The following HPSE2 variants were observed in gnomAD, a reference collection of about 807,000 sequenced individuals.
The protein encoded by HPSE2 is inactive heparanase-2.
HPSE2 carries 38 observed loss-of-function variants against 60.5 expected under a neutral mutation model. The observed-to-expected ratio is 0.63, with a 90% CI of 0.48 to 0.82. The LOEUF (loss-of-function observed/expected upper bound fraction) is 0.82. HPSE2 is among the 40% of genes least tolerant of loss of function. The pLI, the probability that HPSE2 is intolerant of heterozygous loss-of-function variation, is 0.00. For missense variants in HPSE2, 713 were observed against 740.4 expected, an observed-to-expected ratio of 0.96 and a Z score of 0.43; for synonymous variants, 295 against 293.2, an observed-to-expected ratio of 1.01 and a Z score of -0.06.
chr10:98,664,613 A>C (rs1369981658), intron 6 of HPSE2, among the ~76,000 whole-genome samples: 1 of 152,202 alleles, frequency 6.6e-6, no homozygotes, highest in Non-Finnish European at 1.5e-5. Flanking sequence ...CCGGTGGCTA[A>C]GGGCTTATCT....
At chr10:98,499,463 G>A (rs943057277) in intron 9 of HPSE2, among the ~76,000 whole-genome samples, 14 of 152,074 alleles carry the variant, frequency 9.2e-5, no homozygotes, top group South Asian at 2.1e-4. Context: ...AAGAGAATTC[G>A]CCACTACCAA....
intron 9 of HPSE2, among the ~76,000 whole-genome samples, chr10:98,591,024 C>T (rs535046796): frequency 2.0e-4 from 30 of 152,178 alleles, no homozygotes; most frequent in African/African-American, 6.0e-4. Flanking sequence ...ATGTAAATTA[C>T]GTCAAGAGAC....
At chr10:99,272,143 C>T in the HPSE2 span, among the ~76,000 whole-genome samples, 20 of 151,942 alleles carry the variant, frequency 1.3e-4, no homozygotes, top group South Asian at 1.0e-3. Flanking sequence ...TGGTGGCAGA[C>T]GCCTGTAATC....
chr10:98,913,582 G>A (rs558715175), intron 3 of HPSE2, among the ~76,000 whole-genome samples: 3 of 152,180 alleles, frequency 2.0e-5, no homozygotes, highest in South Asian at 2.1e-4. Flanking sequence ...GGCTCCTTCC[G>A]AAAGCCCAGA....
chr10:99,083,705 T>C (rs1843220471), intron 3 of HPSE2, among the ~76,000 whole-genome samples: 1 of 152,216 alleles, frequency 6.6e-6, no homozygotes, highest in South Asian at 2.1e-4. Flanking sequence ...CCAAGTTCTC[T>C]ATCCCTTCTC....
At chr10:98,612,014 G>A (rs767192664) in intron 9 of HPSE2, among the ~76,000 whole-genome samples, 5 of 152,170 alleles carry the variant, frequency 3.3e-5, no homozygotes, top group Non-Finnish European at 7.3e-5. Flanking sequence ...GGAGGACAAA[G>A]CCATGAGGAC....
intron 4 of HPSE2, among the ~76,000 whole-genome samples, chr10:98,725,022 A>C (rs1416735827): frequency 6.6e-6 from 1 of 152,204 alleles, no homozygotes; most frequent in Non-Finnish European, 1.5e-5. Flanking sequence ...TTCCATGCTC[A>C]TGGGTAGGAA....
chr10:99,198,067 C>CAAA (rs554156519), intron 2 of HPSE2, among the ~76,000 whole-genome samples: 2 of 117,198 alleles, frequency 1.7e-5, no homozygotes, highest in East Asian at 2.3e-4. Context: ...GACTCCGTCT[C>CAAA]AAAAAAAAAA....
intron 6 of HPSE2, among the ~76,000 whole-genome samples, chr10:98,682,735 C>T (rs573012246): frequency 6.6e-6 from 1 of 152,142 alleles, no homozygotes; most frequent in Non-Finnish European, 1.5e-5. Context: ...TAAGTTGGGA[C>T]CCATTTATAT....
At chr10:99,097,243 C>A (rs1843750454) in intron 3 of HPSE2, among the ~76,000 whole-genome samples, 2 of 152,168 alleles carry the variant, frequency 1.3e-5, no homozygotes, top group African/African-American at 4.8e-5. Flanking sequence ...ACTGCCCTTA[C>A]ATCTACTATA....
the HPSE2 span, among the ~76,000 whole-genome samples, chr10:99,308,671 T>C: frequency 3.3e-5 from 5 of 152,148 alleles, no homozygotes; most frequent in Admixed American, 2.0e-4. Context: ...ATATCAACTT[T>C]GGAGACAAAA....
intron 2 of HPSE2, among the ~76,000 whole-genome samples, chr10:99,218,740 T>C (rs1218468411): frequency 2.0e-5 from 3 of 152,306 alleles, no homozygotes; most frequent in East Asian, 1.9e-4. Flanking sequence ...TATGAAACAA[T>C]AGCACTTATT....
intron 3 of HPSE2, among the ~76,000 whole-genome samples, chr10:99,020,042 G>A (rs375535657): frequency 6.6e-6 from 1 of 151,970 alleles, no homozygotes; most frequent in South Asian, 2.1e-4. Context: ...AGGATGTGAG[G>A]AAACATAACT....
intron 6 of HPSE2, among the ~76,000 whole-genome samples, chr10:98,684,123 ACCAAAATGAGGGAGTAAACC>A (rs1276233543): frequency 6.6e-6 from 1 of 152,168 alleles, no homozygotes; most frequent in East Asian, 1.9e-4. Context: ...GAAATGCTTC[ACCAAAATGAGGGAGTAAACC>A]TCAAAAAGGG....
intron 3 of HPSE2, among the ~76,000 whole-genome samples, chr10:99,027,608 C>T (rs1957406845): frequency 6.6e-6 from 1 of 152,018 alleles, no homozygotes; most frequent in Admixed American, 6.6e-5. Context: ...AAAACTCATT[C>T]TATGAGGCCA....
At chr10:98,807,748 AT>A (rs1325628046) in intron 3 of HPSE2, among the ~76,000 whole-genome samples, 1 of 152,240 alleles carries the variant, frequency 6.6e-6, no homozygotes, top group Non-Finnish European at 1.5e-5. Flanking sequence ...TATAAATGTA[AT>A]AAAGAGTTCC....
intron 3 of HPSE2, among the ~76,000 whole-genome samples, chr10:99,062,240 G>C (rs1842468085): frequency 6.6e-6 from 1 of 152,084 alleles, no homozygotes; most frequent in Non-Finnish European, 1.5e-5. Context: ...TTGCTTTCTA[G>C]ATTTCAGATT....
chr10:98,824,291 G>T (rs1307805884), intron 3 of HPSE2, among the ~76,000 whole-genome samples: 1 of 152,154 alleles, frequency 6.6e-6, no homozygotes, highest in Non-Finnish European at 1.5e-5. Flanking sequence ...CCATCTTAGT[G>T]CTGGTAATGA....
intron 3 of HPSE2, among the ~76,000 whole-genome samples, chr10:99,114,207 C>T (rs1844583934): frequency 6.6e-6 from 1 of 152,234 alleles, no homozygotes; most frequent in Non-Finnish European, 1.5e-5. Flanking sequence ...TGCCTCTACA[C>T]CCTCTCTGGC....
Sources: gnomAD v4.1 joint callset for allele counts (sites outside exome capture counted in the v4.1 genomes callset) on GRCh38, gnomAD v4.1.1 for gene constraint, MANE v1.5 for transcripts, NCBI Gene and HGNC (gene_info 2026-07-23, HGNC 2026-07-21) for gene names.